Variants in OAS1 observed in about 807,000 individuals in gnomAD.
OAS1 encodes 2'-5'-oligoadenylate synthetase 1.
A neutral mutation model predicts 38.5 loss-of-function variants in OAS1; 24 were observed. The observed-to-expected ratio is 0.62, with a 90% CI of 0.45 to 0.88. The LOEUF (loss-of-function observed/expected upper bound fraction) is 0.88, where lower values mean the gene tolerates loss of function less well. OAS1 is among the 40% of genes least tolerant of loss of function. The probability of loss-of-function intolerance (pLI) is 0.00; values close to 1 mark genes in which losing one functional copy is unlikely to be tolerated. For synonymous variants in OAS1, 169 were observed against 193.9 expected (o/e 0.87, Z 1.07); for missense variants, 482 against 493.9 (o/e 0.98, Z 0.23).
At chr12:112,912,048 T>A (rs1370441938) in intron 3 of OAS1, among the ~76,000 whole-genome samples, 1 of 152,098 alleles carries the variant, frequency 6.6e-6, no homozygotes, top group East Asian at 1.9e-4. Flanking sequence ...GAAGTAAAAT[T>A]TGAATTTGGC....
intron 5 of OAS1, chr12:112,918,116 G>T: frequency 3.6e-6 from 1 of 278,162 alleles, no homozygotes. Flanking sequence ...TGTAATGGTG[G>T]GGTTTGGGCC....
At chr12:112,922,765 T>A (rs2043538223), downstream of OAS1, among the ~76,000 whole-genome samples, 1 of 152,230 alleles carries the variant, frequency 6.6e-6, no homozygotes, top group African/African-American at 2.4e-5. Flanking sequence ...TAATACCTTC[T>A]TCCATCAGCT....
Position 112,908,587 on chromosome 12 carries a change from C to G in OAS1, c.232C>G (p.Leu78Val). Reference protein sequence around the residue: ...TTLRGRSDADLVVFLSPLTTF... With the variant: ...TTLRGRSDADVVVFLSPLTTF... ...CCTCAGAGGCCGATCTGACGCTGAC[C>G]TGGTTGTCTTCCTCAGTCCTCTCAC... is the stretch of plus-strand genomic sequence containing the variant. The change falls in exon 2 of 6, where the codon CTG becomes GTG. Residue 78 changes from leucine (L) to valine (V), a missense_variant. Physicochemically the swap from Leu to Val is conservative, Grantham distance 32. Coordinates refer to ENST00000202917, the MANE Select transcript of OAS1 (RefSeq NM_016816.4). The G allele has an allele frequency of 1.9e-6, 3 of 1,614,098 alleles. No homozygotes were observed. The highest frequency in any genetic ancestry group is 2.5e-6 in the Non-Finnish European group (3 of 1,180,002).
At position 112,916,713 on chromosome 12, in the gene OAS1, C is replaced by A. The variant is rs956902831; in HGVS notation, c.859C>A (p.Leu287Met). Residue 287 changes from leucine (L) to methionine (M), a missense_variant, in exon 4 of 6, where the codon CTG becomes ATG. By Grantham distance (15) the Leu-to-Met change is conservative. Coordinates refer to ENST00000202917, the MANE Select transcript of OAS1 (RefSeq NM_016816.4). ...DFKNPIIEKY[L>M]RRQLTKPRPV... ...TAAAAACCCCATTATTGAAAAGTAC[C>A]TGAGAAGGCAGCTCACGAAACCCAG... 1 of 1,613,932 alleles carries A rather than the reference C, an allele frequency of 6.2e-7. No individual in the cohort carries two copies. The highest frequency in any genetic ancestry group is 1.3e-5 in the African/African-American group (1 of 74,888).
intron 6 of OAS1, among the ~76,000 whole-genome samples, chr12:112,930,583 C>T (rs1318948535): frequency 1.3e-5 from 2 of 152,244 alleles, no homozygotes; most frequent in South Asian, 4.1e-4. Flanking sequence ...CTCTGAGTCT[C>T]CTACAGCCCC....
intron 6 of OAS1, among the ~76,000 whole-genome samples, chr12:112,930,908 C>T (rs2043592941): frequency 2.0e-5 from 3 of 152,232 alleles, no homozygotes; most frequent in Non-Finnish European, 4.4e-5. Flanking sequence ...TTCTCTAACA[C>T]ACACTCTCCT....
rs2043458302 is a variant in OAS1 at position 112,916,526 on chromosome 12, G to A, written c.672G>A (p.Gly224=). The change falls in exon 4 of 6, where the codon GGG becomes GGA. Residue 224 remains glycine, a synonymous_variant. Coordinates refer to ENST00000202917, the MANE Select transcript of OAS1 (RefSeq NM_016816.4). ...HWYQNCKKKL[G]KLPPQYALEL... The stretch of plus-strand genomic sequence containing the variant: ...CTTCTCAGTGTAAGAAGAAGCTTGG[G>A]AAGCTGCCACCTCAGTATGCCCTGG... 1 of 1,614,042 alleles carries A rather than the reference G, an allele frequency of 6.2e-7. No individual in the cohort carries two copies. Among genetic ancestry groups the A allele is most frequent in the Non-Finnish European group, 8.5e-7 (1 of 1,179,956 alleles).
At chr12:112,928,242 A>T (rs1030477631) in intron 6 of OAS1, among the ~76,000 whole-genome samples, 1 of 152,182 alleles carries the variant, frequency 6.6e-6, no homozygotes, top group Non-Finnish European at 1.5e-5. Context: ...CAAAGGGCAG[A>T]CGTCTCTCCC....
chr12:112,910,522 G>A (rs1235037843), intron 2 of OAS1, among the ~76,000 whole-genome samples: 2 of 152,116 alleles, frequency 1.3e-5, no homozygotes, highest in Non-Finnish European at 2.9e-5. Context: ...GCGAGAAGGA[G>A]TGAGCCTTGG....
intron 5 of OAS1, chr12:112,918,504 C>T (rs12423440): frequency 0.018 from 6,466 of 361,308 alleles, 422 homozygotes; most frequent in Admixed American, 0.13. Context: ...GGGTAGATAC[C>T]GAGTAGTGGG....
Position 112,919,791 on chromosome 12 carries a change from CAG to C in OAS1, c.*244_*245del. 2.1e-6 allele frequency: 3 copies of C among 1,410,818 alleles called. No homozygotes were observed. Among genetic ancestry groups the C allele is most frequent in the Non-Finnish European group, 2.8e-6 (3 of 1,066,346 alleles). The allele number at this position is 1,410,818 out of a possible 1,614,324, so 87.4% of individuals were successfully genotyped here. A position where few individuals can be genotyped will look rare whatever the true frequency, so the allele number is the denominator to read the frequency against. On this transcript the variant is annotated 3_prime_UTR_variant, in exon 6 of 6. Transcript: ENST00000202917. ...TCTGAAAATATTCCCTGAGAGAGAA[CAG>C]AGAGATTTAGATAAGAGAATGAAAT...
chr12:112,908,467 C>A, intron 1 of OAS1, 69 bp from the exon 2 acceptor site: 1 of 1,461,866 alleles, frequency 6.8e-7, no homozygotes, highest in Admixed American at 2.0e-5. Context: ...TTAGTGATTG[C>A]TCCTGTCATT....
chr12:112,920,578 G>A (rs2043522990), downstream of OAS1, among the ~76,000 whole-genome samples: 1 of 152,174 alleles, frequency 6.6e-6, no homozygotes, highest in African/African-American at 2.4e-5. Context: ...GGACAGCTCT[G>A]TCCTCCAAGG....
At chr12:112,913,751 C>G (rs903192593) in intron 3 of OAS1, among the ~76,000 whole-genome samples, 1 of 151,922 alleles carries the variant, frequency 6.6e-6, no homozygotes, top group Non-Finnish European at 1.5e-5. Flanking sequence ...CTTATTTTAT[C>G]CTGTGAATAT....
intron 6 of OAS1, among the ~76,000 whole-genome samples, chr12:112,929,212 T>C (rs2043581953): frequency 2.0e-5 from 3 of 152,188 alleles, no homozygotes; most frequent in South Asian, 4.1e-4. Context: ...ACAGGCCACT[T>C]CAGCTTTCTT....
downstream of OAS1, among the ~76,000 whole-genome samples, chr12:112,923,734 A>T (rs1478838457): frequency 6.6e-6 from 1 of 152,054 alleles, no homozygotes; most frequent in African/African-American, 2.4e-5. Context: ...CAAGTTGCCT[A>T]TTTTTGCTTT....
downstream of OAS1, among the ~76,000 whole-genome samples, chr12:112,921,939 A>T (rs2043532078): frequency 6.6e-6 from 1 of 152,164 alleles, no homozygotes; most frequent in Non-Finnish European, 1.5e-5. Flanking sequence ...TTGAATATAC[A>T]TTCAGGGGAC....
Position 112,919,224 on chromosome 12 carries a change from G to A in OAS1, c.1039-165G>A, listed in dbSNP as rs186050710. On this transcript the variant is annotated intron_variant, in intron 5 of 5. Coordinates refer to ENST00000202917, the MANE Select transcript of OAS1 (RefSeq NM_016816.4). ...TGAGGCAACCCCTAAAAGGGCTGAC[G>A]GCTGAAGTCTGTCTGCTGACCACTG... 4.6e-4 allele frequency: 304 copies of A among 654,344 alleles called. No individual in the cohort carries two copies. The African/African-American group carries it at 4.9e-3, about 11-fold the overall frequency. 40.5% of individuals were successfully genotyped at this position (654,344 alleles called of 1,614,324 possible).
At chr12:112,908,257 A>G (rs868289979) in intron 1 of OAS1, among the ~76,000 whole-genome samples, 1 of 152,226 alleles carries the variant, frequency 6.6e-6, no homozygotes, top group Admixed American at 6.5e-5. Context: ...AGATCCTGGA[A>G]GAAGGCCCCC....
Sources: allele counts gnomAD v4.1 joint callset (sites outside exome capture counted in the v4.1 genomes callset), GRCh38; gene constraint gnomAD v4.1.1; transcripts MANE v1.5; gene names NCBI Gene and HGNC (gene_info 2026-07-23, HGNC 2026-07-21).